The following DMD variants were observed in gnomAD, a reference collection of about 807,000 sequenced individuals.
DMD encodes the protein dystrophin.
A neutral mutation model predicts 330.1 loss-of-function variants in DMD; 63 were observed. The observed-to-expected ratio is 0.19, with a 90% confidence interval of 0.16 to 0.24. The LOEUF is 0.24. Ranked by LOEUF, DMD falls within the 10% of genes least tolerant of loss-of-function variation. The pLI is 1.00. For missense variants in DMD, 3,344 were observed against 2,684.1 expected, an observed-to-expected ratio of 1.25 and a Z score of -5.43; for synonymous variants, 1,223 against 959.8, an observed-to-expected ratio of 1.27 and a Z score of -5.07.
At chrX:32,965,953 C>A (rs1383287787) in intron 2 of DMD, among the ~76,000 whole-genome samples, 3 of 111,523 alleles carry the variant, frequency 2.7e-5, no homozygotes, top group Non-Finnish European at 5.6e-5. Context: ...ATAAAATAGT[C>A]TTTAACTTTC....
At chrX:33,182,470 C>A (rs1475731736) in intron 1 of DMD, among the ~76,000 whole-genome samples, 1 of 110,001 alleles carries the variant, frequency 9.1e-6, no homozygotes, top group East Asian at 2.9e-4. Context: ...TGAGGTCTCA[C>A]TCTGTTGTCC....
At chrX:32,511,332 G>C (rs1835058485) in intron 18 of DMD, among the ~76,000 whole-genome samples, 1 of 108,862 alleles carries the variant, frequency 9.2e-6, no homozygotes, top group African/African-American at 3.3e-5. Context: ...GACCATCCTG[G>C]CCAACAGTTG....
chrX:31,781,475 A>G (rs2091006083), intron 50 of DMD, among the ~76,000 whole-genome samples: 1 of 112,211 alleles, frequency 8.9e-6, no homozygotes, highest in Non-Finnish European at 1.9e-5. Context: ...CTATAAAAAT[A>G]TGGATTGTAA....
At chrX:31,952,556 A>G (rs1244888670) in intron 45 of DMD, among the ~76,000 whole-genome samples, 4 of 106,538 alleles carry the variant, frequency 3.8e-5, no homozygotes, top group Non-Finnish European at 7.8e-5. Flanking sequence ...TGGTTCTTTT[A>G]TATAGTGTGT....
chrX:33,206,087 T>A (rs2051557684), intron 1 of DMD, among the ~76,000 whole-genome samples: 1 of 111,359 alleles, frequency 9.0e-6, no homozygotes, highest in Non-Finnish European at 1.9e-5. Flanking sequence ...CACAACCACA[T>A]TTTTCTACTA....
At chrX:32,396,176 C>A (rs1259857937) in intron 30 of DMD, among the ~76,000 whole-genome samples, 1 of 110,926 alleles carries the variant, frequency 9.0e-6, no homozygotes, top group Non-Finnish European at 1.9e-5. Flanking sequence ...GACCAAGTAA[C>A]CTGTGAGAGG....
At chrX:32,527,235 G>A (rs1182050144) in intron 17 of DMD, among the ~76,000 whole-genome samples, 1 of 111,975 alleles carries the variant, frequency 8.9e-6, no homozygotes, top group Non-Finnish European at 1.9e-5. Context: ...TAGCTAGGAA[G>A]CAAGTTTTAA....
intron 74 of DMD, among the ~76,000 whole-genome samples, chrX:31,150,751 G>A (rs746408285): frequency 8.9e-6 from 1 of 112,118 alleles, no homozygotes; most frequent in Non-Finnish European, 1.9e-5. Flanking sequence ...TTCCACAGGG[G>A]ACGGCATGTC....
chrX:33,099,246 C>T (rs1182492248), intron 1 of DMD, among the ~76,000 whole-genome samples: 2 of 111,207 alleles, frequency 1.8e-5, no homozygotes, highest in African/African-American at 6.5e-5. Context: ...TTGTAAGTGG[C>T]TGTATTTCTT....
intron 54 of DMD, among the ~76,000 whole-genome samples, chrX:31,654,568 T>C (rs2080660720): frequency 8.9e-6 from 1 of 112,030 alleles, no homozygotes. Context: ...CATGGAATAC[T>C]ACGTAGCCAT....
intron 2 of DMD, among the ~76,000 whole-genome samples, chrX:32,861,450 T>A (rs918743037): frequency 9.8e-5 from 11 of 111,867 alleles, no homozygotes; most frequent in African/African-American, 3.3e-4. Flanking sequence ...AGAATGACAC[T>A]CTCCTTTGAA....
Position 31,663,693 on chromosome X carries a change from CCT to C in DMD, c.7873-5551_7873-5550del, listed in dbSNP as rs1432799882. ...TTCTGGGATCCTCCTCCACATACTC[CCT>C]CTCTCTTTGTGTGTTCCAACTTCTT... On this transcript the variant is annotated intron_variant, in intron 53 of 78. Transcript: ENST00000357033. 4.5e-5 allele frequency among the ~76,000 whole-genome samples: 5 copies of C among 111,176 alleles called. No homozygotes were observed. The Admixed American group carries it at 4.8e-4, about 11-fold the overall frequency.
At chrX:32,585,801 G>A (rs5972605) in intron 13 of DMD, among the ~76,000 whole-genome samples, 16,027 of 101,912 alleles carry the variant, frequency 0.16, 3,035 homozygotes, top group African/African-American at 0.53. Context: ...TATGATCACT[G>A]TTATCTTTGA....
chrX:32,049,399 G>A (rs1194803390), intron 44 of DMD, among the ~76,000 whole-genome samples: 1 of 111,587 alleles, frequency 9.0e-6, no homozygotes. Context: ...GGCATAAAGA[G>A]GTGAGGTAAG....
chrX:32,782,868 TAC>T (rs1279412965), intron 7 of DMD, among the ~76,000 whole-genome samples: 3 of 106,916 alleles, frequency 2.8e-5, no homozygotes, highest in Admixed American at 1.0e-4. Flanking sequence ...CATATATATA[TAC>T]ACACACACGT....
intron 20 of DMD, among the ~76,000 whole-genome samples, chrX:32,487,801 T>A (rs973290036): frequency 1.8e-5 from 2 of 112,064 alleles, no homozygotes; most frequent in Non-Finnish European, 3.8e-5. Context: ...GAAGGTGACC[T>A]ATATTTCTCT....
chrX:32,907,346 T>G (rs2086808356), intron 2 of DMD, among the ~76,000 whole-genome samples: 1 of 112,535 alleles, frequency 8.9e-6, no homozygotes, highest in Non-Finnish European at 1.9e-5. Flanking sequence ...ATTGATTTTG[T>G]GTCAAATCTT....
intron 7 of DMD, among the ~76,000 whole-genome samples, chrX:32,767,750 A>G (rs771219686): frequency 1.8e-5 from 2 of 111,920 alleles, no homozygotes; most frequent in Non-Finnish European, 3.8e-5. Context: ...CAAGTATTTG[A>G]TTCTACTGTC....
chrX:32,389,985 T>A lies in DMD; in HGVS notation c.4344+86A>T, dbSNP rs1357315973. On this transcript the variant is annotated intron_variant, in intron 31 of 78. Transcript: ENST00000357033. ...TTTCAAATAATGTCCTCAAATCCAA[T>A]CTTGCCAATAATCAAGTTGTCCAAT... The A allele has an allele frequency of 1.6e-5, 12 of 758,202 alleles. No homozygotes were observed. In the African/African-American group the frequency reaches 2.5e-4, roughly 16 times the overall value. 62.5% of individuals were successfully genotyped at this position (758,202 alleles called of 1,213,427 possible).
Sources: allele counts gnomAD v4.1 joint callset (sites outside exome capture counted in the v4.1 genomes callset), GRCh38; gene constraint gnomAD v4.1.1; transcripts MANE v1.5; gene names NCBI Gene and HGNC (gene_info 2026-07-23, HGNC 2026-07-21).